The following MAPK10 variants were observed in gnomAD, a reference collection of about 807,000 sequenced individuals.
The protein encoded by MAPK10 is mitogen-activated protein kinase 10, also known as JNK3 alpha protein kinase.
In MAPK10, 25 loss-of-function variants were observed where a neutral mutation model predicts 59.3. That is an observed-to-expected ratio of 0.42 (90% CI 0.31 to 0.59). MAPK10 has a LOEUF of 0.59. Ranked by LOEUF, MAPK10 falls within the 20% of genes least tolerant of loss-of-function variation. The pLI, the probability that MAPK10 is intolerant of heterozygous loss-of-function variation, is 0.15. For synonymous variants in MAPK10, 190 were observed against 200.5 expected (o/e 0.95, Z 0.44); for missense variants, 351 against 568.9 (o/e 0.62, Z 3.90).
At chr4:86,556,492 A>C (rs988636417) in intron 1 of MAPK10, among the ~76,000 whole-genome samples, 1 of 152,180 alleles carries the variant, frequency 6.6e-6, no homozygotes, top group Non-Finnish European at 1.5e-5. Flanking sequence ...CCTTTATGTA[A>C]TATTTAGCAC....
At chr4:86,057,197 C>T (rs1319364874) in intron 11 of MAPK10, among the ~76,000 whole-genome samples, 1 of 149,604 alleles carries the variant, frequency 6.7e-6, no homozygotes, top group Non-Finnish European at 1.5e-5. Flanking sequence ...CCCGCCTTGG[C>T]ATCCCAAAGT....
chr4:86,279,170 G>C (rs1461096481), intron 2 of MAPK10, among the ~76,000 whole-genome samples: 1 of 152,042 alleles, frequency 6.6e-6, no homozygotes, highest in African/African-American at 2.4e-5. Context: ...ATTAAGTTTT[G>C]AAAGTACATA....
intron 2 of MAPK10, chr4:86,268,268 A>G (rs888341824): frequency 2.0e-5 from 3 of 152,074 alleles, no homozygotes; most frequent in African/African-American, 7.3e-5. Flanking sequence ...GGTCATGTCC[A>G]CTCTACCACA....
intron 2 of MAPK10, among the ~76,000 whole-genome samples, chr4:86,351,424 C>T (rs959521591): frequency 6.7e-6 from 1 of 150,036 alleles, no homozygotes; most frequent in Non-Finnish European, 1.5e-5. Context: ...CACACACACA[C>T]ACACATTTTA....
chr4:86,032,244 C>A (rs2039213384), intron 11 of MAPK10: 1 of 151,974 alleles, frequency 6.6e-6, no homozygotes, highest in Non-Finnish European at 1.5e-5. Flanking sequence ...AAAGTGGAAT[C>A]TCAAATAAAT....
intron 1 of MAPK10, among the ~76,000 whole-genome samples, chr4:86,438,469 C>G (rs1749036383): frequency 6.6e-6 from 1 of 151,942 alleles, no homozygotes; most frequent in Admixed American, 6.6e-5. Context: ...GGGGGTGGAT[C>G]ATCTGAGGTC....
At chr4:86,156,852 C>G (rs1225983579) in intron 4 of MAPK10, among the ~76,000 whole-genome samples, 2 of 152,002 alleles carry the variant, frequency 1.3e-5, no homozygotes, top group Non-Finnish European at 2.9e-5. Flanking sequence ...GCTAAAAACT[C>G]ATCTTGCAGA....
At chr4:86,379,261 GC>G (rs1191682420) in intron 1 of MAPK10, among the ~76,000 whole-genome samples, 2 of 152,206 alleles carry the variant, frequency 1.3e-5, no homozygotes, top group Non-Finnish European at 2.9e-5. Context: ...CCATCTGCGT[GC>G]ATCACAACTT....
chr4:86,456,346 A>C (rs1751226071), upstream of MAPK10, among the ~76,000 whole-genome samples: 1 of 152,062 alleles, frequency 6.6e-6, no homozygotes, highest in African/African-American at 2.4e-5. Context: ...AACAACAACA[A>C]AAAAGATAAG....
chr4:86,399,794 TA>T (rs1743435378), intron 1 of MAPK10: 5 of 152,200 alleles, frequency 3.3e-5, no homozygotes, highest in Non-Finnish European at 7.4e-5. Context: ...AATGCTGTCC[TA>T]GTGGTTTGAA....
At chr4:86,310,813 G>A (rs937034236) in intron 2 of MAPK10, among the ~76,000 whole-genome samples, 2 of 151,784 alleles carry the variant, frequency 1.3e-5, no homozygotes, top group African/African-American at 4.8e-5. Flanking sequence ...CTCAAGGAAG[G>A]TTCTTTATTC....
chr4:86,074,763 G>T (rs372508223), intron 9 of MAPK10, among the ~76,000 whole-genome samples: 1 of 132,072 alleles, frequency 7.6e-6, no homozygotes, highest in South Asian at 2.4e-4. Context: ...CGAGAGATCC[G>T]CTGTTAGTCT....
chr4:86,103,096 T>G, intron 6 of MAPK10, 90 bp downstream of exon 6: 1 of 767,594 alleles, frequency 1.3e-6, no homozygotes, highest in Non-Finnish European at 2.3e-6. Context: ...TGTGTGTGTG[T>G]GTGTGTGTGT....
intron 4 of MAPK10, among the ~76,000 whole-genome samples, chr4:86,151,337 G>C (rs537616497): frequency 4.6e-5 from 7 of 152,270 alleles, no homozygotes; most frequent in African/African-American, 1.7e-4. Context: ...TAAAAGGATT[G>C]TAACAGCCGC....
At position 86,386,548 on chromosome 4, in the gene MAPK10, A is replaced by C. The variant is rs1004425866; in HGVS notation, c.-121-31904T>G. 1.3e-5 allele frequency among the ~76,000 whole-genome samples: 2 copies of C among 152,112 alleles called. 1 individual carries two copies. The highest frequency in any genetic ancestry group is 4.1e-4 in the South Asian group (2 of 4,832). On this transcript the variant is annotated intron_variant, in intron 1 of 13. Transcript: ENST00000361569. ...ACTCTAATCTTGATCTATAAATGAT[A>C]GAGATGATATTTTGCTTCCATCTGC...
chr4:86,461,708 A>G (rs1751761956), intron 1 of MAPK10, among the ~76,000 whole-genome samples: 1 of 152,188 alleles, frequency 6.6e-6, no homozygotes, highest in African/African-American at 2.4e-5. Context: ...CAAAGGAGGA[A>G]GAGGTTCATC....
At chr4:86,149,482 G>A (rs2065866136) in intron 4 of MAPK10, among the ~76,000 whole-genome samples, 1 of 152,120 alleles carries the variant, frequency 6.6e-6, no homozygotes, top group South Asian at 2.1e-4. Flanking sequence ...AGCCAGGCTG[G>A]TCTTGAACAC....
chr4:86,135,161 G>C (rs1340612763), intron 4 of MAPK10, among the ~76,000 whole-genome samples: 1 of 152,234 alleles, frequency 6.6e-6, no homozygotes, highest in African/African-American at 2.4e-5. Context: ...CACCCTAGAA[G>C]CTCCAACTGG....
At position 86,092,620 on chromosome 4, in the gene MAPK10, G is replaced by GAT. The variant is rs34886510; in HGVS notation, c.802+5902_802+5903dup. ...ACAATATGTATCTGAATATATTAGT[G>GAT]ATATATATATATATATATTGCTAAT... On this transcript the variant is annotated intron_variant, in intron 9 of 13. Transcript: ENST00000641462. Among the ~76,000 whole-genome samples, 194 of 148,854 alleles carry GAT rather than the reference G, an allele frequency of 1.3e-3. 1 individual carries two copies. The highest frequency in any genetic ancestry group is 2.3e-3 in the Admixed American group (34 of 14,826).
Sources: gnomAD v4.1 joint callset for allele counts (sites outside exome capture counted in the v4.1 genomes callset) on GRCh38, gnomAD v4.1.1 for gene constraint, MANE v1.5 for transcripts, NCBI Gene and HGNC (gene_info 2026-07-23, HGNC 2026-07-21) for gene names.